DLG2: variants seen among roughly 807,000 people sequenced by gnomAD.
DLG2 encodes the protein disks large homolog 2.
In DLG2, 45 loss-of-function variants were observed where a neutral mutation model predicts 132.5. The observed-to-expected ratio is 0.34, with a 90% CI of 0.27 to 0.44. The LOEUF is 0.44. Among genes scored for constraint, DLG2 ranks in the 20% least tolerant of loss-of-function variants. The pLI is 1.00. For missense variants in DLG2, 1,045 were observed against 1,196.9 expected, an observed-to-expected ratio of 0.87 and a Z score of 1.87; for synonymous variants, 424 against 419.6, an observed-to-expected ratio of 1.01 and a Z score of -0.13.
intron 18 of DLG2, among the ~76,000 whole-genome samples, chr11:83,716,746 C>T (rs1393591264): frequency 6.6e-6 from 1 of 152,092 alleles, no homozygotes; most frequent in Non-Finnish European, 1.5e-5. Flanking sequence ...TTCCTTTTGG[C>T]CCATCATACA....
chr11:84,796,315 T>C (rs2074598610), intron 6 of DLG2, among the ~76,000 whole-genome samples: 1 of 152,234 alleles, frequency 6.6e-6, no homozygotes, highest in Non-Finnish European at 1.5e-5. Context: ...CTTTTTATCT[T>C]TTTGCTGTTT....
At chr11:84,128,646 C>T (rs1467409828) in intron 9 of DLG2, among the ~76,000 whole-genome samples, 1 of 151,924 alleles carries the variant, frequency 6.6e-6, no homozygotes, top group Non-Finnish European at 1.5e-5. Flanking sequence ...TTAATATATT[C>T]AAGATTCCCC....
chr11:84,513,258 CCAAAG>C (rs1203057897), intron 7 of DLG2, among the ~76,000 whole-genome samples: 1 of 151,708 alleles, frequency 6.6e-6, no homozygotes, highest in Non-Finnish European at 1.5e-5. Flanking sequence ...TCCATACTAC[CCAAAG>C]CAATCTACAA....
chr11:84,562,423 A>G (rs2099430355), intron 6 of DLG2, among the ~76,000 whole-genome samples: 1 of 152,146 alleles, frequency 6.6e-6, no homozygotes. Context: ...CAGCCCCTAC[A>G]TGAAGGCTTC....
At chr11:84,362,651 C>G (rs1248912259) in intron 7 of DLG2, among the ~76,000 whole-genome samples, 1 of 151,998 alleles carries the variant, frequency 6.6e-6, no homozygotes, top group Non-Finnish European at 1.5e-5. Context: ...CAATGCTATC[C>G]CTCCCCACTC....
rs1290540702 is a variant in DLG2 at position 83,516,409 on chromosome 11, TATGTGTGTCTCTGCAC to T, written c.2193+16283_2193+16298del. Among the ~76,000 whole-genome samples, 5 of 152,328 alleles carry T rather than the reference TATGTGTGTCTCTGCAC, an allele frequency of 3.3e-5. No individual in the cohort carries two copies. In the South Asian group the frequency reaches 1.0e-3, roughly 32 times the overall value. ...TTCCTCCATCCCTTTATTTTGAGCC[TATGTGTGTCTCTGCAC>T]ATAAGATGGGTTTCCTGAATACAGC... On this transcript the variant is annotated intron_variant, in intron 21 of 27. Coordinates refer to ENST00000376104, the MANE Select transcript of DLG2 (RefSeq NM_001142699.3).
intron 6 of DLG2, among the ~76,000 whole-genome samples, chr11:84,990,850 C>A (rs2057020060): frequency 6.6e-6 from 1 of 151,960 alleles, no homozygotes; most frequent in Non-Finnish European, 1.5e-5. Flanking sequence ...GACCATACAA[C>A]CCAGAAATTG....
At chr11:83,486,254 G>GA in intron 21 of DLG2, 1 of 672,004 alleles carries the variant, frequency 1.5e-6, no homozygotes, top group Non-Finnish European at 2.7e-6. Context: ...TCCAGTAACT[G>GA]AAAATAAAAG....
intron 11 of DLG2, among the ~76,000 whole-genome samples, chr11:84,044,629 C>T (rs1385246568): frequency 2.0e-5 from 3 of 151,754 alleles, no homozygotes; most frequent in Non-Finnish European, 4.4e-5. Context: ...AAATGTCCTA[C>T]ACCAAGTTGC....
chr11:85,417,884 A>G (rs909435024), intron 3 of DLG2, among the ~76,000 whole-genome samples: 1 of 151,762 alleles, frequency 6.6e-6, no homozygotes, highest in Non-Finnish European at 1.5e-5. Context: ...GAACAAAAAA[A>G]CAGCTCCTGG....
At chr11:84,640,223 A>G (rs2099655124) in intron 6 of DLG2, 1 of 299,360 alleles carries the variant, frequency 3.3e-6, no homozygotes, top group Non-Finnish European at 6.5e-6. Context: ...TGCACAGAAC[A>G]TGATCAAGGG....
intron 6 of DLG2, among the ~76,000 whole-genome samples, chr11:84,802,716 G>A (rs1359736644): frequency 6.6e-6 from 1 of 151,430 alleles, no homozygotes; most frequent in African/African-American, 2.4e-5. Context: ...GGCCAGAGAT[G>A]AGCAGAGGAA....
chr11:84,108,650 C>T (rs2093136215), intron 9 of DLG2, among the ~76,000 whole-genome samples: 1 of 151,972 alleles, frequency 6.6e-6, no homozygotes, highest in Admixed American at 6.6e-5. Context: ...GAGAAGGTAG[C>T]AGGGGGTCAG....
intron 6 of DLG2, among the ~76,000 whole-genome samples, chr11:84,811,850 CA>C (rs2076594600): frequency 6.6e-6 from 1 of 152,126 alleles, no homozygotes; most frequent in Non-Finnish European, 1.5e-5. Context: ...GCAGATTCTT[CA>C]AAACTGTCAA....
chr11:84,183,296 A>G (rs764785099), intron 8 of DLG2, among the ~76,000 whole-genome samples: 1 of 152,204 alleles, frequency 6.6e-6, no homozygotes, highest in Non-Finnish European at 1.5e-5. Context: ...TTAACTATGG[A>G]CTTTGAGTGA....
chr11:85,339,484 T>C (rs886965462), intron 3 of DLG2, among the ~76,000 whole-genome samples: 3 of 152,206 alleles, frequency 2.0e-5, no homozygotes, highest in East Asian at 1.9e-4. Flanking sequence ...ATCACCAATA[T>C]ATGAAAATTT....
At chr11:83,523,887 A>C (rs1295139086) in intron 21 of DLG2, among the ~76,000 whole-genome samples, 1 of 152,176 alleles carries the variant, frequency 6.6e-6, no homozygotes, top group East Asian at 1.9e-4. Flanking sequence ...CTTCCTGCCC[A>C]TTAGAGTCAG....
intron 9 of DLG2, among the ~76,000 whole-genome samples, chr11:84,144,245 C>T (rs962576346): frequency 2.6e-5 from 4 of 152,062 alleles, no homozygotes; most frequent in Admixed American, 6.6e-5. Context: ...GTTTGATTTA[C>T]GGTCTGTAGA....
chr11:84,303,199 T>C (rs2098175890), intron 7 of DLG2, among the ~76,000 whole-genome samples: 1 of 152,066 alleles, frequency 6.6e-6, no homozygotes, highest in African/African-American at 2.4e-5. Flanking sequence ...ATTATAGAGA[T>C]TGAGTAAAAT....
Sources: gnomAD v4.1 joint callset for allele counts (sites outside exome capture counted in the v4.1 genomes callset) on GRCh38, gnomAD v4.1.1 for gene constraint, MANE v1.5 for transcripts, NCBI Gene and HGNC (gene_info 2026-07-23, HGNC 2026-07-21) for gene names.